Variants in SLC4A4 observed in about 807,000 individuals in gnomAD.
SLC4A4 encodes solute carrier family 4 member 4.
A neutral mutation model predicts 111.5 loss-of-function variants in SLC4A4; 27 were observed. That is an observed-to-expected ratio of 0.24 (90% CI 0.18 to 0.33). The LOEUF (loss-of-function observed/expected upper bound fraction) is 0.33, where lower values mean the gene tolerates loss of function less well. Among genes scored for constraint, SLC4A4 ranks in the 10% least tolerant of loss-of-function variants. SLC4A4 has a pLI of 1.00. For synonymous variants in SLC4A4, 443 were observed against 463.4 expected (o/e 0.96, Z 0.57); for missense variants, 909 against 1,315.5 (o/e 0.69, Z 4.78).
intron 3 of SLC4A4, among the ~76,000 whole-genome samples, chr4:71,294,492 A>G (rs926325400): frequency 1.3e-5 from 2 of 152,224 alleles, no homozygotes; most frequent in Non-Finnish European, 2.9e-5. Context: ...AACATGTTTG[A>G]AATGTTTTCT....
intron 11 of SLC4A4, among the ~76,000 whole-genome samples, chr4:71,452,550 G>A (rs1725863238): frequency 6.6e-6 from 1 of 152,148 alleles, no homozygotes. Context: ...CTAATAAAAT[G>A]TAATAGCCAA....
At chr4:71,143,554 C>A (rs1744071558) in intron 2 of SLC4A4, among the ~76,000 whole-genome samples, 1 of 152,220 alleles carries the variant, frequency 6.6e-6, no homozygotes, top group African/African-American at 2.4e-5. Flanking sequence ...AACTAGTTTA[C>A]AGTCCCATCA....
chr4:71,345,512 A>C (rs1403168707), intron 4 of SLC4A4, among the ~76,000 whole-genome samples: 1 of 152,156 alleles, frequency 6.6e-6, no homozygotes, highest in Non-Finnish European at 1.5e-5. Context: ...AAGCCATCAC[A>C]AGTTTCAACA....
intron 2 of SLC4A4, among the ~76,000 whole-genome samples, chr4:71,093,517 T>G (rs537904257): frequency 6.6e-6 from 1 of 152,346 alleles, no homozygotes; most frequent in East Asian, 1.9e-4. Context: ...ATTTAAATCA[T>G]AAATAGTTAG....
In SLC4A4 at chr4:71,404,152, G is replaced by C. The variant is rs551324186; in HGVS notation, c.807+6499G>C. Among the ~76,000 whole-genome samples the C allele has an allele frequency of 2.0e-5, 3 of 152,242 alleles. No homozygotes were observed. The South Asian group carries it at 6.2e-4, about 32-fold the overall frequency. ...GGGTGTAAGCCACCAAGAATAGTGA[G>C]ATTGAATTTTTGAGTAATTATATTT... On this transcript the variant is annotated intron_variant, in intron 7 of 25. Transcript: ENST00000264485.
At chr4:71,123,349 A>G (rs1200555842) in intron 2 of SLC4A4, among the ~76,000 whole-genome samples, 3 of 152,238 alleles carry the variant, frequency 2.0e-5, no homozygotes, top group Non-Finnish European at 2.9e-5. Flanking sequence ...CCAAAGAGAA[A>G]ATGTAGATTG....
At chr4:71,247,009 G>A (rs1016187072) in intron 2 of SLC4A4, among the ~76,000 whole-genome samples, 3 of 152,002 alleles carry the variant, frequency 2.0e-5, no homozygotes, top group Non-Finnish European at 4.4e-5. Flanking sequence ...GGGTGCATGT[G>A]GAAAACCACA....
At chr4:71,412,797 T>C (rs1471532317) in intron 7 of SLC4A4, among the ~76,000 whole-genome samples, 1 of 152,202 alleles carries the variant, frequency 6.6e-6, no homozygotes, top group Non-Finnish European at 1.5e-5. Context: ...TCTTTCACTA[T>C]AATGTACCAG....
intron 2 of SLC4A4, among the ~76,000 whole-genome samples, chr4:71,250,217 C>G (rs1337952162): frequency 6.6e-6 from 1 of 152,088 alleles, no homozygotes; most frequent in Non-Finnish European, 1.5e-5. Context: ...TCTTGGGCAT[C>G]TTGGCAGAAG....
intron 1 of SLC4A4, among the ~76,000 whole-genome samples, chr4:71,227,839 T>TCACCC: frequency 6.6e-6 from 1 of 152,268 alleles, no homozygotes; most frequent in Non-Finnish European, 1.5e-5. Flanking sequence ...GCTAAAAGAG[T>TCACCC]TTAGAAGGGA....
chr4:71,179,961 G>T (rs1012006690), intron 2 of SLC4A4, among the ~76,000 whole-genome samples: 6 of 152,124 alleles, frequency 3.9e-5, no homozygotes, highest in Non-Finnish European at 8.8e-5. Context: ...ATACTACAAG[G>T]CTACAGTAAC....
At chr4:71,396,952 A>G (rs1376121202) in intron 6 of SLC4A4, among the ~76,000 whole-genome samples, 1 of 152,250 alleles carries the variant, frequency 6.6e-6, no homozygotes, top group Non-Finnish European at 1.5e-5. Context: ...ATGGGAATGC[A>G]GAGAAATAAG....
chr4:71,121,426 C>T (rs966116719), intron 2 of SLC4A4, among the ~76,000 whole-genome samples: 4 of 152,218 alleles, frequency 2.6e-5, no homozygotes, highest in Non-Finnish European at 5.9e-5. Context: ...GCAAAGCCAG[C>T]TGGGCTCCTC....
chr4:71,098,911 AC>A (rs1251999926), intron 2 of SLC4A4, among the ~76,000 whole-genome samples: 1 of 152,228 alleles, frequency 6.6e-6, no homozygotes, highest in Non-Finnish European at 1.5e-5. Context: ...AAACCTTACT[AC>A]CCTAAACACA....
chr4:71,241,966 C>T (rs1180636954), intron 2 of SLC4A4, among the ~76,000 whole-genome samples: 12 of 152,172 alleles, frequency 7.9e-5, no homozygotes, highest in Admixed American at 7.9e-4. Flanking sequence ...CTGTAGCTGC[C>T]TGACATCTCT....
At chr4:71,506,164 T>G (rs1731399617) in intron 16 of SLC4A4, among the ~76,000 whole-genome samples, 1 of 152,124 alleles carries the variant, frequency 6.6e-6, no homozygotes, top group Non-Finnish European at 1.5e-5. Flanking sequence ...CATTGGCTAT[T>G]TGGGCTCTTT....
At chr4:71,345,658 T>G (rs1176486781) in intron 4 of SLC4A4, among the ~76,000 whole-genome samples, 1 of 152,100 alleles carries the variant, frequency 6.6e-6, no homozygotes, top group Non-Finnish European at 1.5e-5. Flanking sequence ...GGCATGGCCA[T>G]TAAGCACCAA....
In SLC4A4 at chr4:71,292,194, G is replaced by C. The variant is rs145458098; in HGVS notation, c.253+36795G>C. Reference sequence around the variant, plus strand: ...ATACGGTCTAACTTAGGTGTAATTAGATGAAAATGTAGTACTTTTCTGGTG... The same window carrying C: ...ATACGGTCTAACTTAGGTGTAATTACATGAAAATGTAGTACTTTTCTGGTG... On this transcript the variant is annotated intron_variant, in intron 3 of 25. Transcript: ENST00000264485. Among the ~76,000 whole-genome samples, 305 of 152,340 alleles carry C rather than the reference G, an allele frequency of 2.0e-3. 2 individuals are homozygous for C. The highest frequency in any genetic ancestry group is 7.0e-3 in the African/African-American group (291 of 41,588).
intron 19 of SLC4A4, among the ~76,000 whole-genome samples, chr4:71,547,060 G>T (rs749144329): frequency 2.6e-4 from 39 of 151,982 alleles, no homozygotes; most frequent in South Asian, 8.3e-4. Flanking sequence ...CTTGGGTAGA[G>T]AGCTCACATG....
Sources: allele counts gnomAD v4.1 joint callset (sites outside exome capture counted in the v4.1 genomes callset), GRCh38; gene constraint gnomAD v4.1.1; transcripts MANE v1.5; gene names NCBI Gene and HGNC (gene_info 2026-07-23, HGNC 2026-07-21).